The following ABL1 variants were observed in gnomAD, a reference collection of about 807,000 sequenced individuals.
ABL1 encodes the protein tyrosine-protein kinase ABL1.
ABL1 carries 11 observed loss-of-function variants against 94.7 expected under a neutral mutation model. The observed-to-expected ratio is 0.12, with a 90% CI of 0.07 to 0.19. The LOEUF is 0.19. Among genes scored for constraint, ABL1 ranks in the 10% least tolerant of loss-of-function variants. ABL1 has a pLI of 1.00. For missense variants in ABL1, 1,082 were observed against 1,489.4 expected, an observed-to-expected ratio of 0.73 and a Z score of 4.50; for synonymous variants, 656 against 622.4, an observed-to-expected ratio of 1.05 and a Z score of -0.80.
chr9:130,776,460 G>A (rs1053650028), intron 1 of ABL1, among the ~76,000 whole-genome samples: 1 of 152,136 alleles, frequency 6.6e-6, no homozygotes, highest in African/African-American at 2.4e-5. Context: ...TCTGGGCGTG[G>A]TGGCTACTTG....
At chr9:130,749,303 A>G (rs532227938) in intron 1 of ABL1, among the ~76,000 whole-genome samples, 1 of 152,222 alleles carries the variant, frequency 6.6e-6, no homozygotes, top group African/African-American at 2.4e-5. Flanking sequence ...AGAATAATGA[A>G]CGGATACTAT....
chr9:130,759,521 TA>T (rs1388024049), intron 1 of ABL1, among the ~76,000 whole-genome samples: 1 of 152,208 alleles, frequency 6.6e-6, no homozygotes, highest in East Asian at 1.9e-4. Flanking sequence ...AAAGTAAACA[TA>T]AACAGCAAGG....
chr9:130,868,971 T>C (rs1440819450), intron 4 of ABL1, among the ~76,000 whole-genome samples: 1 of 151,744 alleles, frequency 6.6e-6, no homozygotes, highest in Non-Finnish European at 1.5e-5. Flanking sequence ...ATCAAGACCA[T>C]CCTGGTTGAC....
chr9:130,760,727 A>G (rs1486315300), intron 1 of ABL1, among the ~76,000 whole-genome samples: 1 of 150,390 alleles, frequency 6.6e-6, no homozygotes, highest in African/African-American at 2.5e-5. Context: ...CAGTGGCGCG[A>G]TCTCGGCTCA....
At position 130,728,909 on chromosome 9, in the gene ABL1, T is replaced by C. The variant is rs186414757; in HGVS notation, c.136+14454T>C. ...ATTTTTGCATGTTAAATAATTTTGA[T>C]TGTATGCCAGACATGTGGGTGTTAT... On this transcript the variant is annotated intron_variant, in intron 1 of 10. Coordinates refer to the ABL1 transcript ENST00000372348. Among the ~76,000 whole-genome samples, 1,445 of 152,312 alleles carry C rather than the reference T, an allele frequency of 9.5e-3. 11 individuals are homozygous for C. Among genetic ancestry groups the C allele is most frequent in the Non-Finnish European group, 0.014 (959 of 68,012 alleles).
intron 1 of ABL1, among the ~76,000 whole-genome samples, chr9:130,810,490 C>T (rs1017302927): frequency 1.3e-5 from 2 of 151,498 alleles, no homozygotes; most frequent in Middle Eastern, 3.4e-3. Context: ...AGCAAGATTC[C>T]GTCTCCACAA....
chr9:130,879,381 A>G (rs1223235285), intron 8 of ABL1, among the ~76,000 whole-genome samples: 1 of 152,026 alleles, frequency 6.6e-6, no homozygotes, highest in African/African-American at 2.4e-5. Flanking sequence ...CCAGTACTCC[A>G]TTTCACTCAT....
intron 1 of ABL1, among the ~76,000 whole-genome samples, chr9:130,817,965 TAGA>T (rs980307360): frequency 2.0e-5 from 3 of 152,092 alleles, no homozygotes; most frequent in Non-Finnish European, 4.4e-5. Context: ...TAATTAGGAG[TAGA>T]ATTGCTAGGT....
At chr9:130,848,514 A>G (rs1475816506) in intron 1 of ABL1, among the ~76,000 whole-genome samples, 1 of 137,428 alleles carries the variant, frequency 7.3e-6, no homozygotes, top group African/African-American at 3.0e-5. Context: ...TGAGACTCCA[A>G]CTCAAAAAAA....
intron 1 of ABL1, among the ~76,000 whole-genome samples, chr9:130,762,909 CAAA>C (rs5900905): frequency 4.3e-5 from 4 of 92,860 alleles, no homozygotes; most frequent in East Asian, 2.6e-4. Context: ...GACTCCGTCT[CAAA>C]AAAAAAAAAA....
chr9:130,778,745 C>G (rs146219718), intron 1 of ABL1, among the ~76,000 whole-genome samples: 21 of 151,540 alleles, frequency 1.4e-4, no homozygotes, highest in Admixed American at 6.6e-4. Context: ...CTTTTTTACT[C>G]CTTGGCTGTA....
intron 1 of ABL1, among the ~76,000 whole-genome samples, chr9:130,779,365 G>A (rs1046557209): frequency 6.6e-6 from 1 of 152,212 alleles, no homozygotes; most frequent in East Asian, 1.9e-4. Flanking sequence ...GTTCATGATG[G>A]CAAGGTTGTT....
intron 1 of ABL1, among the ~76,000 whole-genome samples, chr9:130,750,806 C>A (rs1441285904): frequency 1.3e-5 from 2 of 151,540 alleles, no homozygotes; most frequent in Non-Finnish European, 2.9e-5. Flanking sequence ...GCCACCATGC[C>A]TGGCTAATTT....
intron 1 of ABL1, among the ~76,000 whole-genome samples, chr9:130,752,058 G>A (rs1831973579): frequency 6.6e-6 from 1 of 152,218 alleles, no homozygotes; most frequent in South Asian, 2.1e-4. Context: ...TGGGTATAAT[G>A]TAGGGATGCT....
chr9:130,778,366 G>A (rs1227866398), intron 1 of ABL1, among the ~76,000 whole-genome samples: 2 of 152,230 alleles, frequency 1.3e-5, no homozygotes, highest in Non-Finnish European at 2.9e-5. Flanking sequence ...TCAGGGCTTT[G>A]TGTTGGGACA....
chr9:130,810,756 AG>A (rs1017918695), intron 1 of ABL1, among the ~76,000 whole-genome samples: 4 of 151,594 alleles, frequency 2.6e-5, no homozygotes, highest in African/African-American at 9.7e-5. Flanking sequence ...ATATAGAGAG[AG>A]AAAAAAAAAT....
intron 1 of ABL1, among the ~76,000 whole-genome samples, chr9:130,789,525 T>TACAC (rs59537102): frequency 4.2e-4 from 63 of 148,950 alleles, no homozygotes; most frequent in African/African-American, 9.5e-4. Flanking sequence ...AAAAAGGACA[T>TACAC]ACACACACAC....
At chr9:130,775,312 T>C (rs1443991295) in intron 1 of ABL1, among the ~76,000 whole-genome samples, 1 of 152,252 alleles carries the variant, frequency 6.6e-6, no homozygotes, top group Non-Finnish European at 1.5e-5. Context: ...TATAGTACTT[T>C]ATAGCTTTAG....
chr9:130,884,299 A>T lies in ABL1; in HGVS notation c.2009A>T (p.Asn670Ile). ...PKPSNGAGVP[N>I]GALRESGGSG... ...CCCAGCAATGGGGCTGGGGTCCCCA[A>T]TGGAGCCCTCCGGGAGTCCGGGGGC... Residue 670 changes from asparagine to isoleucine, a missense_variant, in exon 11 of 11, where the codon AAT (asparagine) becomes ATT (isoleucine). Around this residue, in one of 7 missense-constraint regions of ABL1, gnomAD observed 780 missense variants for 835.8 expected, o/e 0.93. Transcript: ENST00000318560. This position sits in a 1 kb window ranked among gnomAD's most constrained non-coding sequence, Gnocchi z 5.6. 1 of 1,609,178 alleles carries T rather than the reference A, an allele frequency of 6.2e-7. No individual in the cohort carries two copies. Among genetic ancestry groups the T allele is most frequent in the Non-Finnish European group, 8.5e-7 (1 of 1,177,886 alleles).
Sources: allele counts gnomAD v4.1 joint callset (sites outside exome capture counted in the v4.1 genomes callset), GRCh38; gene constraint gnomAD v4.1.1; regional missense constraint gnomAD v4.1.1; non-coding constraint Gnocchi (gnomAD v3.1); transcripts MANE v1.5; gene names NCBI Gene and HGNC (gene_info 2026-07-23, HGNC 2026-07-21).